The following KYNU variants were observed in gnomAD, a reference collection of about 807,000 sequenced individuals.
KYNU encodes the protein kynureninase, also known as L-kynurenine hydrolase.
KYNU carries 54 observed loss-of-function variants against 59.2 expected under a neutral mutation model. That is an observed-to-expected ratio of 0.91 (90% confidence interval 0.73 to 1.14). The LOEUF is 1.14. Among genes scored for constraint, KYNU ranks in the 50% most tolerant of loss-of-function variants. KYNU has a pLI of 0.00. For synonymous variants in KYNU, 177 were observed against 192.0 expected, an observed-to-expected ratio of 0.92 and a Z score of 0.65; for missense variants, 567 against 554.4, an observed-to-expected ratio of 1.02 and a Z score of -0.23.
intron 8 of KYNU, among the ~76,000 whole-genome samples, chr2:142,974,902 C>T (rs908144883): frequency 1.3e-5 from 2 of 152,038 alleles, no homozygotes; most frequent in Admixed American, 1.3e-4. Flanking sequence ...CAGGACATTC[C>T]CTTCATATTT....
chr2:142,969,400 C>T (rs1041406907), intron 8 of KYNU, among the ~76,000 whole-genome samples: 7 of 152,158 alleles, frequency 4.6e-5, no homozygotes, highest in African/African-American at 1.7e-4. Context: ...CTTTACTCTT[C>T]ACTTTGGAAA....
chr2:142,932,493 G>A (rs1683255467), intron 4 of KYNU, among the ~76,000 whole-genome samples: 1 of 152,128 alleles, frequency 6.6e-6, no homozygotes, highest in African/African-American at 2.4e-5. Flanking sequence ...ATGAATGATG[G>A]CAACTTTCTG....
intron 8 of KYNU, among the ~76,000 whole-genome samples, chr2:142,974,891 A>T (rs1351062322): frequency 2.0e-5 from 3 of 152,104 alleles, no homozygotes; most frequent in Non-Finnish European, 4.4e-5. Context: ...CTCTTTTCCC[A>T]CAGGACATTC....
At position 143,055,629 on chromosome 2, in the gene KYNU, C is replaced by T. The variant is rs1687339315; in HGVS notation, c.*13457C>T. The T allele has an allele frequency of 8.5e-6, 1 of 117,604 alleles. No homozygotes were observed. Among genetic ancestry groups the T allele is most frequent in the African/African-American group, 3.2e-5 (1 of 31,160 alleles). The allele number at this position is 117,604 out of a possible 1,614,324, so 7.3% of individuals were successfully genotyped here. A position where few individuals can be genotyped will look rare whatever the true frequency, so the allele number is the denominator to read the frequency against. ...TCTTTGAGGGTCATTAGTCATCTTA[C>T]CACAGGAAGGAAGGAAGGAAGGAAG... On this transcript the variant is annotated 3_prime_UTR_variant, in exon 14 of 14. Transcript: ENST00000264170.
intron 2 of KYNU, among the ~76,000 whole-genome samples, chr2:142,903,921 G>A (rs752457394): frequency 2.8e-4 from 43 of 152,136 alleles, no homozygotes; most frequent in East Asian, 3.9e-4. Context: ...CAGAGCCTCC[G>A]AAGTCGTGCT....
chr2:142,899,246 G>A (rs566253778), intron 2 of KYNU, among the ~76,000 whole-genome samples: 1 of 152,282 alleles, frequency 6.6e-6, no homozygotes, highest in East Asian at 1.9e-4. Context: ...CTCCCTGCTT[G>A]AATGCCTGAG....
At chr2:142,991,006 T>C (rs761652343) in intron 10 of KYNU, among the ~76,000 whole-genome samples, 1 of 151,754 alleles carries the variant, frequency 6.6e-6, no homozygotes, top group Non-Finnish European at 1.5e-5. Flanking sequence ...AAAAACAATA[T>C]GCATCAAACA....
chr2:142,920,927 C>T (rs1040214545), intron 3 of KYNU, among the ~76,000 whole-genome samples: 1 of 152,156 alleles, frequency 6.6e-6, no homozygotes, highest in African/African-American at 2.4e-5. Flanking sequence ...TTATTTTTTA[C>T]CTCCCAAATA....
chr2:142,912,045 G>A (rs1046720846), intron 2 of KYNU, among the ~76,000 whole-genome samples: 7 of 152,084 alleles, frequency 4.6e-5, no homozygotes, highest in South Asian at 4.2e-4. Context: ...TTTTGGTATC[G>A]AGTGATACTG....
intron 1 of KYNU, among the ~76,000 whole-genome samples, chr2:142,880,123 G>A (rs1681241629): frequency 6.6e-6 from 1 of 152,132 alleles, no homozygotes; most frequent in Non-Finnish European, 1.5e-5. Flanking sequence ...TGCCACTTTG[G>A]CGGCAGGGGT....
At chr2:142,949,877 C>G (rs1683930407) in intron 4 of KYNU, among the ~76,000 whole-genome samples, 1 of 152,190 alleles carries the variant, frequency 6.6e-6, no homozygotes, top group Non-Finnish European at 1.5e-5. Flanking sequence ...ATTTTCCACA[C>G]TCTTATGCTC....
intron 4 of KYNU, among the ~76,000 whole-genome samples, chr2:142,942,743 G>A (rs181808507): frequency 3.2e-4 from 49 of 152,358 alleles, no homozygotes; most frequent in African/African-American, 1.2e-3. Flanking sequence ...CAACTTGAGA[G>A]ATCAAGTGCA....
At position 143,054,756 on chromosome 2, in the gene KYNU, G is replaced by C. The variant is rs895865359; in HGVS notation, c.*12584G>C. On this transcript the variant is annotated 3_prime_UTR_variant, in exon 14 of 14. Transcript: ENST00000264170. The stretch of plus-strand genomic sequence containing the variant: ...CAAATACAGGGCATGCAACATAGCT[G>C]CTGATTGGATTTATTCAACATGTCA... The C allele has an allele frequency of 1.1e-4, 17 of 152,194 alleles. No homozygotes were observed. The highest frequency in any genetic ancestry group is 4.1e-4 in the African/African-American group (17 of 41,458). 9.4% of individuals were successfully genotyped at this position (152,194 alleles called of 1,614,324 possible).
At chr2:142,981,206 G>C (rs535299184) in intron 8 of KYNU, among the ~76,000 whole-genome samples, 2 of 152,086 alleles carry the variant, frequency 1.3e-5, no homozygotes, top group Admixed American at 6.6e-5. Context: ...GTACATAAAG[G>C]TTTGTGGTTT....
rs545834704 is a variant in KYNU at position 143,013,164 on chromosome 2, G to T, written c.903-16463G>T. ...GTGTGTACCACCACACCTGGCTCTG[G>T]CTTATTTTACTTAGCATAAGGTACT... On this transcript the variant is annotated intron_variant, in intron 10 of 13. Coordinates refer to ENST00000264170, the MANE Select transcript of KYNU (RefSeq NM_003937.3). Among the ~76,000 whole-genome samples the T allele has an allele frequency of 5.3e-5, 8 of 152,004 alleles. No homozygotes were observed. The South Asian group carries it at 1.7e-3, about 32-fold the overall frequency.
chr2:142,934,329 T>G (rs547539257), intron 4 of KYNU, among the ~76,000 whole-genome samples: 3 of 151,906 alleles, frequency 2.0e-5, no homozygotes, highest in Admixed American at 2.0e-4. Context: ...GGATGGGGGA[T>G]AAGGAAAAGT....
At position 142,912,401 on chromosome 2, in the gene KYNU, T is replaced by TG. The variant is rs1364797335; in HGVS notation, c.170-6206dup. On this transcript the variant is annotated intron_variant, in intron 2 of 13. Transcript: ENST00000264170. The stretch of plus-strand genomic sequence containing the variant: ...TTTTTTTTTTTTTTTTTTTTTGAGA[T>TG]GGAGTTTCACTCGTGTTGCCCAGGC... Among the ~76,000 whole-genome samples the TG allele has an allele frequency of 1.0e-3, 139 of 139,566 alleles. 1 individual carries two copies. The highest frequency in any genetic ancestry group is 3.5e-3 in the African/African-American group (127 of 36,252). The allele number at this position is 139,566 out of a possible 152,430, so 91.6% of individuals were successfully genotyped here.
At chr2:143,001,151 C>T (rs1430609227) in intron 10 of KYNU, among the ~76,000 whole-genome samples, 3 of 152,110 alleles carry the variant, frequency 2.0e-5, no homozygotes. Flanking sequence ...TGTGGAGTCA[C>T]AGATCCTATC....
intron 2 of KYNU, among the ~76,000 whole-genome samples, chr2:142,896,491 T>C (rs747148765): frequency 5.3e-5 from 8 of 152,218 alleles, no homozygotes; most frequent in Non-Finnish European, 1.0e-4. Context: ...TTGGATTTTT[T>C]GTTTTTTAAT....
Sources: allele counts gnomAD v4.1 joint callset (sites outside exome capture counted in the v4.1 genomes callset), GRCh38; gene constraint gnomAD v4.1.1; transcripts MANE v1.5; gene names NCBI Gene and HGNC (gene_info 2026-07-23, HGNC 2026-07-21).